The following CBR4 variants were observed in gnomAD, a reference collection of about 807,000 sequenced individuals.
The protein encoded by CBR4 is carbonyl reductase 4, also known as 3-oxoacyl-[acyl-carrier-protein] reductase.
Under a neutral mutation model 21.0 loss-of-function variants are expected in CBR4, and 22 were observed. That is an observed-to-expected ratio of 1.05 (90% CI 0.75 to 1.50). The LOEUF is 1.50. Among genes scored for constraint, CBR4 ranks in the 40% most tolerant of loss-of-function variants. The pLI is 0.00. For missense variants in CBR4, 302 were observed against 286.3 expected (o/e 1.05, Z -0.40); for synonymous variants, 100 against 104.4 (o/e 0.96, Z 0.26).
rs1276714683 is a variant in CBR4 at position 168,905,647 on chromosome 4, T to A, written n.170-10882A>T. Among the ~76,000 whole-genome samples the A allele has an allele frequency of 3.3e-5, 5 of 152,232 alleles. No homozygotes were observed. In the South Asian group the frequency reaches 1.0e-3, roughly 32 times the overall value. On this transcript the variant is annotated intron_variant and non_coding_transcript_variant, in intron 2 of 3. Transcript: ENST00000509108. ...GAAAAGCTTCTATATTAATGCACAT[T>A]CTTAAAGTTCTAAATGTTTTAATCA...
chr4:168,934,282 C>CAAAAAAAAA (rs60538970), intron 2 of CBR4, among the ~76,000 whole-genome samples: 129 of 18,098 alleles, frequency 7.1e-3, no homozygotes, highest in African/African-American at 9.7e-3. Flanking sequence ...GCAAAAAAAA[C>CAAAAAAAAA]AAAAAAAAAA....
chr4:168,988,698 A>G lies in CBR4; in HGVS notation c.*1452T>C, dbSNP rs1010376626. The G allele has an allele frequency of 8.2e-6, 8 of 975,988 alleles. No individual in the cohort carries two copies. In the African/African-American group the frequency reaches 1.4e-4, roughly 17 times the overall value. The allele number at this position is 975,988 out of a possible 1,614,324, so 60.5% of individuals were successfully genotyped here. On this transcript the variant is annotated 3_prime_UTR_variant, in exon 5 of 5. Transcript: ENST00000306193. Reference sequence around the variant, plus strand: ...TTTAATAGACAATTTGTTTAATGATACTAACTTTACTCACACTTAATTGAC... The same window carrying G: ...TTTAATAGACAATTTGTTTAATGATGCTAACTTTACTCACACTTAATTGAC...
intron 2 of CBR4, among the ~76,000 whole-genome samples, chr4:168,950,192 G>C (rs986613104): frequency 1.3e-5 from 2 of 151,974 alleles, no homozygotes; most frequent in African/African-American, 4.8e-5. Flanking sequence ...TCTTTCTCCA[G>C]TTCCTTGAGG....
chr4:168,905,515 A>G (rs1006312521), intron 2 of CBR4, among the ~76,000 whole-genome samples: 7 of 152,024 alleles, frequency 4.6e-5, no homozygotes, highest in African/African-American at 1.7e-4. Context: ...CTAATATTCC[A>G]TGGTCATATA....
At chr4:168,928,171 TAA>T (rs1762790986) in intron 2 of CBR4, 1 of 188,646 alleles carries the variant, frequency 5.3e-6, no homozygotes, top group South Asian at 2.0e-4. Context: ...ATATGGAATT[TAA>T]GATACCATAC....
chr4:168,970,999 G>A (rs544335545), intron 2 of CBR4, among the ~76,000 whole-genome samples: 10 of 152,208 alleles, frequency 6.6e-5, no homozygotes, highest in East Asian at 3.9e-4. Context: ...ACCCAGGAGC[G>A]GGATTGCTGG....
chr4:168,972,402 A>G (rs1764238904), intron 2 of CBR4, among the ~76,000 whole-genome samples: 1 of 152,170 alleles, frequency 6.6e-6, no homozygotes, highest in African/African-American at 2.4e-5. Context: ...TTGATTCTAC[A>G]CAGCCATGAG....
intron 2 of CBR4, among the ~76,000 whole-genome samples, chr4:168,895,965 T>G (rs775906181): frequency 1.3e-5 from 2 of 152,194 alleles, no homozygotes; most frequent in Non-Finnish European, 2.9e-5. Context: ...TCCCAGCACT[T>G]TGGGAGGCCA....
At chr4:168,924,150 G>C (rs1358491621) in intron 2 of CBR4, 5 of 981,542 alleles carry the variant, frequency 5.1e-6, no homozygotes, top group Non-Finnish European at 8.0e-6. Context: ...GTAAAAAATG[G>C]TATCATAAAA....
chr4:168,906,749 CA>C (rs984843687), intron 2 of CBR4, among the ~76,000 whole-genome samples: 2 of 152,024 alleles, frequency 1.3e-5, no homozygotes, highest in African/African-American at 2.4e-5. Context: ...CTCAGCCTCC[CA>C]AAGCACTGGA....
intron 2 of CBR4, among the ~76,000 whole-genome samples, chr4:168,965,314 G>T (rs1763987693): frequency 6.6e-6 from 1 of 152,120 alleles, no homozygotes; most frequent in African/African-American, 2.4e-5. Context: ...TCGTGAAAAT[G>T]GCCATACTGC....
intron 2 of CBR4, among the ~76,000 whole-genome samples, chr4:168,941,640 A>C (rs1763267217): frequency 6.6e-6 from 1 of 152,190 alleles, no homozygotes; most frequent in Non-Finnish European, 1.5e-5. Flanking sequence ...AGGAATCACC[A>C]CACTGTCTTG....
At chr4:168,952,561 G>GTTTAGGGC (rs1446228218) in intron 2 of CBR4, among the ~76,000 whole-genome samples, 1 of 152,164 alleles carries the variant, frequency 6.6e-6, no homozygotes, top group African/African-American at 2.4e-5. Context: ...CAGAGGGAAG[G>GTTTAGGGC]TTTAGGGCTG....
At chr4:168,980,629 G>C (rs1204366703) in intron 2 of CBR4, among the ~76,000 whole-genome samples, 1 of 152,248 alleles carries the variant, frequency 6.6e-6, no homozygotes, top group South Asian at 2.1e-4. Context: ...CCAGCTACTC[G>C]GGAGGCTGAG....
At chr4:168,961,665 G>A (rs1763858062) in intron 2 of CBR4, among the ~76,000 whole-genome samples, 1 of 152,166 alleles carries the variant, frequency 6.6e-6, no homozygotes, top group Non-Finnish European at 1.5e-5. Context: ...CAAGGCAGGT[G>A]GGTCACCTGA....
intron 2 of CBR4, among the ~76,000 whole-genome samples, chr4:168,917,898 TC>T (rs1760529339): frequency 6.6e-6 from 1 of 151,984 alleles, no homozygotes; most frequent in Non-Finnish European, 1.5e-5. Flanking sequence ...TGCTTATATA[TC>T]CGAGGAAAAT....
At chr4:168,982,458 T>C (rs10000553) in intron 2 of CBR4, among the ~76,000 whole-genome samples, 114,934 of 152,014 alleles carry the variant, frequency 0.76, 43,756 homozygotes, top group East Asian at 0.96. Flanking sequence ...TAGATAACCA[T>C]AAACTAATAG....
At chr4:169,006,526 T>C (rs1004463179) in intron 3 of CBR4, among the ~76,000 whole-genome samples, 7 of 152,326 alleles carry the variant, frequency 4.6e-5, no homozygotes, top group African/African-American at 1.7e-4. Context: ...GCTGGTACTG[T>C]CATTTTTCTA....
At chr4:169,005,808 TCA>T in intron 3 of CBR4, 1 of 1,045,702 alleles carries the variant, frequency 9.6e-7, no homozygotes, top group Non-Finnish European at 1.3e-6. Context: ...TTTCCTTTTC[TCA>T]CTTTCAAAAC....
Sources: allele counts gnomAD v4.1 joint callset (sites outside exome capture counted in the v4.1 genomes callset), GRCh38; gene constraint gnomAD v4.1.1; transcripts MANE v1.5; gene names NCBI Gene and HGNC (gene_info 2026-07-23, HGNC 2026-07-21).